The following GAB3 variants were observed in gnomAD, a reference collection of about 807,000 sequenced individuals.
GAB3 encodes GRB2 associated binding protein 3, also known as GRB2-associated-binding protein 3.
A neutral mutation model predicts 40.4 loss-of-function variants in GAB3; 12 were observed. The ratio of observed to expected loss-of-function variants is 0.30; its 90% confidence interval spans 0.19 to 0.48. The LOEUF (loss-of-function observed/expected upper bound fraction) is 0.48, where lower values mean the gene tolerates loss of function less well. GAB3 is among the 20% of genes least tolerant of loss of function. The pLI is 0.99. For missense variants in GAB3, 381 were observed against 461.9 expected (o/e 0.82, Z 1.61); for synonymous variants, 154 against 176.7 (o/e 0.87, Z 1.02).
intron 4 of GAB3, among the ~76,000 whole-genome samples, chrX:154,709,959 G>A (rs2070900209): frequency 8.9e-6 from 1 of 111,991 alleles, no homozygotes; most frequent in Non-Finnish European, 1.9e-5. Context: ...ATGAGAATAT[G>A]TTGGTCAAAA....
chrX:154,703,775 C>T (rs915725668), intron 4 of GAB3, among the ~76,000 whole-genome samples: 1 of 111,926 alleles, frequency 8.9e-6, no homozygotes, highest in Non-Finnish European at 1.9e-5. Context: ...GAAAAGGGAA[C>T]CTTTGTACAC....
chrX:154,751,293 GGT>G (rs781835329), upstream of GAB3, among the ~76,000 whole-genome samples: 7,741 of 86,923 alleles, frequency 0.089, 420 homozygotes, highest in South Asian at 0.28. Flanking sequence ...CCGGGGGGGG[GGT>G]GTGGGGGGGG....
At chrX:154,740,082 G>C (rs1557261022) in intron 1 of GAB3, among the ~76,000 whole-genome samples, 1 of 112,278 alleles carries the variant, frequency 8.9e-6, no homozygotes. Context: ...GGCATTATAC[G>C]TTTACATGCA....
chrX:154,705,361 T>A (rs1336777319), intron 4 of GAB3, among the ~76,000 whole-genome samples: 1 of 111,270 alleles, frequency 9.0e-6, no homozygotes, highest in African/African-American at 3.3e-5. Context: ...AATTAAAAAA[T>A]TAAAAAATAC....
intron 4 of GAB3, among the ~76,000 whole-genome samples, chrX:154,707,909 T>C (rs1338262903): frequency 8.9e-6 from 1 of 112,126 alleles, no homozygotes; most frequent in African/African-American, 3.2e-5. Flanking sequence ...ACATAAAAAA[T>C]AGCAAATACA....
At chrX:154,728,198 G>A (rs1177551935) in intron 1 of GAB3, among the ~76,000 whole-genome samples, 1 of 112,057 alleles carries the variant, frequency 8.9e-6, no homozygotes, top group Non-Finnish European at 1.9e-5. Flanking sequence ...TGCCTTCAGA[G>A]CCAGGCTTTC....
At chrX:154,722,850 T>C (rs1022902477) in intron 1 of GAB3, among the ~76,000 whole-genome samples, 3 of 112,098 alleles carry the variant, frequency 2.7e-5, no homozygotes, top group Non-Finnish European at 3.8e-5. Flanking sequence ...TACATTTGTT[T>C]TATGTGGTTT....
At chrX:154,729,218 C>T (rs781833159) in intron 1 of GAB3, among the ~76,000 whole-genome samples, 2 of 111,925 alleles carry the variant, frequency 1.8e-5, no homozygotes, top group Non-Finnish European at 3.8e-5. Flanking sequence ...GAAAAAGAAA[C>T]CTAGAAAAGA....
At chrX:154,722,206 G>A (rs1267035699) in intron 1 of GAB3, among the ~76,000 whole-genome samples, 1 of 111,024 alleles carries the variant, frequency 9.0e-6, no homozygotes, top group East Asian at 2.8e-4. Flanking sequence ...AATACTGAAT[G>A]ATCTGTTTTG....
chrX:154,726,563 G>T (rs1557259392), intron 1 of GAB3, among the ~76,000 whole-genome samples: 1 of 111,992 alleles, frequency 8.9e-6, no homozygotes, highest in African/African-American at 3.3e-5. Flanking sequence ...CCATCTATTT[G>T]ATGATGGTTT....
At chrX:154,696,142 G>C (rs1425959599) in intron 7 of GAB3, 123 bp from the exon 8 acceptor site, 1 of 378,882 alleles carries the variant, frequency 2.6e-6, no homozygotes. Flanking sequence ...CTTCCTTCCG[G>C]CCAAAGCAAT....
intron 4 of GAB3, among the ~76,000 whole-genome samples, chrX:154,702,745 G>A (rs1480249948): frequency 8.9e-6 from 1 of 112,362 alleles, no homozygotes; most frequent in Non-Finnish European, 1.9e-5. Context: ...CTGATTAAAA[G>A]ATGGAACAAA....
At chrX:154,710,542 G>C (rs2070925912) in intron 4 of GAB3, among the ~76,000 whole-genome samples, 2 of 111,745 alleles carry the variant, frequency 1.8e-5, no homozygotes, top group African/African-American at 6.5e-5. Context: ...GAGAGCCATG[G>C]GGACAGGACA....
At chrX:154,714,436 C>T (rs1031195663) in intron 2 of GAB3, among the ~76,000 whole-genome samples, 2 of 112,313 alleles carry the variant, frequency 1.8e-5, no homozygotes, top group Non-Finnish European at 3.8e-5. Flanking sequence ...AGGGTACACA[C>T]ACAATGTGTT....
chrX:154,750,388 G>C (rs2148501509), intron 1 of GAB3, among the ~76,000 whole-genome samples: 1 of 112,327 alleles, frequency 8.9e-6, no homozygotes, highest in South Asian at 3.7e-4. Context: ...ATAAAAGCGC[G>C]GTGTCAGCAT....
intron 8 of GAB3, among the ~76,000 whole-genome samples, chrX:154,686,273 C>T (rs1417495430): frequency 9.1e-6 from 1 of 109,633 alleles, no homozygotes; most frequent in Non-Finnish European, 1.9e-5. Flanking sequence ...AAATAATACA[C>T]CATGACCAAA....
intron 8 of GAB3, among the ~76,000 whole-genome samples, chrX:154,691,321 T>C (rs1398002192): frequency 9.6e-6 from 1 of 104,566 alleles, no homozygotes; most frequent in Non-Finnish European, 2.0e-5. Flanking sequence ...TAATGCTAGA[T>C]GATGAGTTAG....
At chrX:154,718,832 T>C (rs985645374) in intron 1 of GAB3, among the ~76,000 whole-genome samples, 1 of 112,105 alleles carries the variant, frequency 8.9e-6, no homozygotes, top group Non-Finnish European at 1.9e-5. Context: ...TTCCCAAAAA[T>C]GATTCTAAAA....
At chrX:154,724,387 A>AAAT (rs2071182272) in intron 1 of GAB3, among the ~76,000 whole-genome samples, 1 of 109,019 alleles carries the variant, frequency 9.2e-6, no homozygotes, top group Non-Finnish European at 1.9e-5. Context: ...AATAAATAAA[A>AAAT]ATAAAATGAC....
Sources: allele counts gnomAD v4.1 joint callset (sites outside exome capture counted in the v4.1 genomes callset), GRCh38; gene constraint gnomAD v4.1.1; transcripts MANE v1.5; gene names NCBI Gene and HGNC (gene_info 2026-07-23, HGNC 2026-07-21).